The following CRY1 variants were observed in gnomAD, a reference collection of about 807,000 sequenced individuals.
The protein encoded by CRY1 is cryptochrome-1.
Under a neutral mutation model 76.0 loss-of-function variants are expected in CRY1, and 45 were observed. The observed-to-expected ratio is 0.59, with a 90% confidence interval of 0.47 to 0.76. The LOEUF is 0.76. Ranked by LOEUF, CRY1 falls within the 30% of genes least tolerant of loss-of-function variation. The probability of loss-of-function intolerance (pLI) is 0.00; values close to 1 mark genes in which losing one functional copy is unlikely to be tolerated. For synonymous variants in CRY1, 248 were observed against 244.0 expected (o/e 1.02, Z -0.15); for missense variants, 587 against 716.4 (o/e 0.82, Z 2.06).
At chr12:107,084,366 A>G (rs1278607257) in intron 1 of CRY1, among the ~76,000 whole-genome samples, 2 of 152,222 alleles carry the variant, frequency 1.3e-5, no homozygotes, top group Non-Finnish European at 2.9e-5. Flanking sequence ...AAGAGCCTGT[A>G]TAGCCAAGAC....
At position 107,080,014 on chromosome 12, in the gene CRY1, T is replaced by C. The variant is rs576057775; in HGVS notation, c.158+12790A>G. On this transcript the variant is annotated intron_variant, in intron 1 of 12. Transcript: ENST00000008527. Reference sequence around the variant, plus strand: ...AACCTAGGCAAAGAGAATGGTGATATGGGCTAAAGAGACAATGGAGAGGGA... The same window carrying C: ...AACCTAGGCAAAGAGAATGGTGATACGGGCTAAAGAGACAATGGAGAGGGA... 8.5e-5 allele frequency among the ~76,000 whole-genome samples: 13 copies of C among 152,226 alleles called. No homozygotes were observed. In the East Asian group the frequency reaches 2.1e-3, roughly 25 times the overall value.
intron 1 of CRY1, among the ~76,000 whole-genome samples, chr12:107,032,297 A>C (rs1201091090): frequency 2.6e-5 from 4 of 152,218 alleles, no homozygotes; most frequent in Non-Finnish European, 4.4e-5. Context: ...TATTACAGGA[A>C]ACAGGATACA....
At position 106,999,709 on chromosome 12, in the gene CRY1, A is replaced by G; in HGVS notation, c.979T>C (p.Leu327=). 6.2e-7 allele frequency: 1 copy of G among 1,614,252 alleles called. No individual in the cohort carries two copies. Among genetic ancestry groups the G allele is most frequent in the Non-Finnish European group, 8.5e-7 (1 of 1,180,042 alleles). The change falls in exon 7 of 13, where the codon TTA becomes CTA. Residue 327 remains leucine, a synonymous_variant. Transcript: ENST00000008527. ...QIPWDKNPEA[L]AKWAEGRTGF... ...GTCCGGCCTTCCGCCCATTTGGCTA[A>G]AGCCTCAGGATTTTTATCCCAAGGA...
chr12:107,093,177 G>A lies in CRY1; in HGVS notation c.-216C>T, dbSNP rs1263376332. 1.9e-6 allele frequency: 1 copy of A among 534,278 alleles called. No homozygotes were observed. Among genetic ancestry groups the A allele is most frequent in the Non-Finnish European group, 3.1e-6 (1 of 320,312 alleles). 33.1% of individuals were successfully genotyped at this position (534,278 alleles called of 1,614,324 possible). ...ATGAATGGAGGTTGCCTAGTCGGCG[G>A]AGTCCGGGTGTGACGCCCTTTAGGA... is the stretch of plus-strand genomic sequence containing the variant. On this transcript the variant is annotated 5_prime_UTR_variant, in exon 1 of 13. Coordinates refer to ENST00000008527, the MANE Select transcript of CRY1 (RefSeq NM_004075.5).
At chr12:107,019,574 C>A (rs1174386728) in intron 2 of CRY1, among the ~76,000 whole-genome samples, 1 of 152,026 alleles carries the variant, frequency 6.6e-6, no homozygotes, top group Non-Finnish European at 1.5e-5. Context: ...ACAAAGAACA[C>A]AAAACACTTG....
rs1341316232 is a variant in CRY1 at position 107,005,157 on chromosome 12, G to C, written c.359C>G (p.Ala120Gly). 6.2e-7 allele frequency: 1 copy of C among 1,613,126 alleles called. No individual in the cohort carries two copies. The highest frequency in any genetic ancestry group is 2.2e-5 in the East Asian group (1 of 44,792). The stretch of plus-strand genomic sequence containing the variant: ...AATTCTTACAATGACTTCTACTCCA[G>C]CTTCAGTTGCCAGTTTCTTAATAGC... ...DAAIKKLATE[A>G]GVEVIVRISH... The change falls in exon 3 of 13, where the codon GCT (alanine) becomes GGT (glycine). Residue 120 changes from alanine to glycine, a missense_variant. Physicochemically the swap from Ala to Gly is moderately conservative, Grantham distance 60. Transcript: ENST00000008527.
intron 10 of CRY1, among the ~76,000 whole-genome samples, chr12:106,993,744 G>A (rs1952203356): frequency 6.6e-6 from 1 of 151,936 alleles, no homozygotes; most frequent in Non-Finnish European, 1.5e-5. Context: ...AGTGGCAGTT[G>A]CTCACCCTAA....
At chr12:107,060,498 A>G (rs1320533325) in intron 1 of CRY1, among the ~76,000 whole-genome samples, 1 of 152,212 alleles carries the variant, frequency 6.6e-6, no homozygotes, top group Non-Finnish European at 1.5e-5. Context: ...TTCATTAAAA[A>G]TTACCCAGTC....
At chr12:107,000,358 T>C (rs1450975152) in intron 5 of CRY1, among the ~76,000 whole-genome samples, 1 of 152,112 alleles carries the variant, frequency 6.6e-6, no homozygotes. Context: ...CTCTCTCTTT[T>C]TTTTTTTTCC....
At position 107,058,450 on chromosome 12, in the gene CRY1, G is replaced by C. The variant is rs147739935; in HGVS notation, c.158+34354C>G. Among the ~76,000 whole-genome samples the C allele has an allele frequency of 1.1e-3, 160 of 152,240 alleles. 1 individual carries two copies. The highest frequency in any genetic ancestry group is 2.1e-3 in the Non-Finnish European group (141 of 68,012). On this transcript the variant is annotated intron_variant, in intron 1 of 12. Coordinates refer to ENST00000008527, the MANE Select transcript of CRY1 (RefSeq NM_004075.5). ...TTGAGAAAATAGTTACAGGACTGGAGATGAAAAAACAAGTTGGATTTTTAA... is the reference window on the plus strand; with the variant it reads ...TTGAGAAAATAGTTACAGGACTGGACATGAAAAAACAAGTTGGATTTTTAA...
intron 1 of CRY1, among the ~76,000 whole-genome samples, chr12:107,041,146 C>G (rs768516173): frequency 4.6e-5 from 7 of 151,872 alleles, no homozygotes; most frequent in East Asian, 1.9e-4. Context: ...CATGTAGAAC[C>G]GCCTATTGAG....
chr12:106,994,145 G>T (rs1290240422), intron 10 of CRY1, among the ~76,000 whole-genome samples: 2 of 152,102 alleles, frequency 1.3e-5, no homozygotes, highest in South Asian at 2.1e-4. Flanking sequence ...CTACAGACAG[G>T]ATAAGTGTAA....
At chr12:107,062,553 A>C (rs1181283798) in intron 1 of CRY1, among the ~76,000 whole-genome samples, 1 of 152,174 alleles carries the variant, frequency 6.6e-6, no homozygotes, top group Non-Finnish European at 1.5e-5. Context: ...GTCACAAAAG[A>C]ATCATTAAAC....
At chr12:107,082,305 A>T (rs1269367532) in intron 1 of CRY1, among the ~76,000 whole-genome samples, 1 of 152,130 alleles carries the variant, frequency 6.6e-6, no homozygotes, top group African/African-American at 2.4e-5. Flanking sequence ...GAAAATTAAG[A>T]AGGATATTCA....
chr12:106,997,814 C>T, intron 8 of CRY1, 101 bp downstream of exon 8: 2 of 1,531,122 alleles, frequency 1.3e-6, no homozygotes, highest in Non-Finnish European at 8.9e-7. Context: ...CTCATCTCTG[C>T]TGCCCATCAT....
chr12:107,012,122 G>A (rs201774808), intron 2 of CRY1, among the ~76,000 whole-genome samples: 4 of 152,302 alleles, frequency 2.6e-5, no homozygotes, highest in South Asian at 4.1e-4. Context: ...CCCAGGAGGC[G>A]AAGGCTGCAG....
intron 7 of CRY1, 109 bp from the exon 8 acceptor site, chr12:106,998,175 A>C (rs1593491912): frequency 7.9e-7 from 1 of 1,266,564 alleles, no homozygotes; most frequent in East Asian, 2.3e-5. Flanking sequence ...CTAGCACAGA[A>C]TTGTAAAATT....
At chr12:107,006,229 T>G (rs1464675888) in intron 2 of CRY1, among the ~76,000 whole-genome samples, 1 of 151,908 alleles carries the variant, frequency 6.6e-6, no homozygotes. Flanking sequence ...CTACTAAAAA[T>G]AAAATCATTA....
At position 107,039,606 on chromosome 12, in the gene CRY1, A is replaced by T. The variant is rs188447666; in HGVS notation, c.159-17414T>A. 5.8e-4 allele frequency among the ~76,000 whole-genome samples: 88 copies of T among 152,336 alleles called. No homozygotes were observed. In the East Asian group the frequency reaches 0.014, roughly 24 times the overall value. ...AAATCATTAGAGAAATGCAAATCAA[A>T]ACCACAATGAGATATCACCTTATAC... On this transcript the variant is annotated intron_variant, in intron 1 of 12. Transcript: ENST00000008527.
Sources: gnomAD v4.1 joint callset for allele counts (sites outside exome capture counted in the v4.1 genomes callset) on GRCh38, gnomAD v4.1.1 for gene constraint, MANE v1.5 for transcripts, NCBI Gene and HGNC (gene_info 2026-07-23, HGNC 2026-07-21) for gene names.